ZFAND3: variants seen among roughly 807,000 people sequenced by gnomAD.
The protein encoded by ZFAND3 is AN1-type zinc finger protein 3.
ZFAND3 carries 10 observed loss-of-function variants against 29.6 expected under a neutral mutation model. The ratio of observed to expected loss-of-function variants is 0.34; its 90% CI spans 0.21 to 0.57. The LOEUF (loss-of-function observed/expected upper bound fraction) is 0.57, where lower values mean the gene tolerates loss of function less well. ZFAND3 is among the 20% of genes least tolerant of loss of function. ZFAND3 has a pLI of 0.86. For synonymous variants in ZFAND3, 128 were observed against 112.6 expected (o/e 1.14, Z -0.87); for missense variants, 230 against 304.5 (o/e 0.76, Z 1.82).
intron 1 of ZFAND3, among the ~76,000 whole-genome samples, chr6:37,835,173 G>C (rs1430958040): frequency 6.6e-6 from 1 of 152,020 alleles, no homozygotes; most frequent in Non-Finnish European, 1.5e-5. Flanking sequence ...TTGTTTTGTT[G>C]TTGGAGATAG....
intron 1 of ZFAND3, among the ~76,000 whole-genome samples, chr6:37,843,842 AAAG>A (rs946803285): frequency 2.4e-4 from 37 of 152,274 alleles, no homozygotes; most frequent in African/African-American, 8.9e-4. Context: ...AAAAAAAAAA[AAAG>A]CTAATTTGAA....
intron 2 of ZFAND3, among the ~76,000 whole-genome samples, chr6:38,027,696 A>T (rs1763476514): frequency 6.6e-6 from 1 of 152,212 alleles, no homozygotes; most frequent in Admixed American, 6.5e-5. Flanking sequence ...ATAAAATATT[A>T]ATATTTGTGC....
intron 2 of ZFAND3, among the ~76,000 whole-genome samples, chr6:37,969,414 T>G (rs531129188): frequency 5.9e-5 from 9 of 152,332 alleles, no homozygotes; most frequent in African/African-American, 2.2e-4. Flanking sequence ...TAGCTTAGGC[T>G]ACAACCTACC....
chr6:37,880,878 G>A (rs1581730775), intron 1 of ZFAND3, among the ~76,000 whole-genome samples: 1 of 108,340 alleles, frequency 9.2e-6, no homozygotes, highest in Admixed American at 1.2e-4. Context: ...GGGGGAGGGG[G>A]GAGGGATAGC....
At chr6:37,824,132 A>G (rs1471238563) in intron 1 of ZFAND3, among the ~76,000 whole-genome samples, 1 of 152,348 alleles carries the variant, frequency 6.6e-6, no homozygotes, top group East Asian at 1.9e-4. Context: ...GGAGACATGG[A>G]CTTAAAACTT....
chr6:38,076,156 G>A (rs1764549574), intron 3 of ZFAND3, among the ~76,000 whole-genome samples: 1 of 152,074 alleles, frequency 6.6e-6, no homozygotes, highest in Non-Finnish European at 1.5e-5. Flanking sequence ...TCCTTCACTA[G>A]CAAGAAGAGT....
chr6:37,821,572 A>G (rs1763667540), intron 1 of ZFAND3, among the ~76,000 whole-genome samples: 1 of 152,132 alleles, frequency 6.6e-6, no homozygotes, highest in African/African-American at 2.4e-5. Flanking sequence ...TGAGCTCTTT[A>G]GAGTGCGTAG....
intron 3 of ZFAND3, among the ~76,000 whole-genome samples, chr6:38,064,446 C>T (rs1406170090): frequency 6.6e-6 from 1 of 152,172 alleles, no homozygotes; most frequent in Non-Finnish European, 1.5e-5. Flanking sequence ...CCTGTGGTCA[C>T]AAACGAGTAG....
intron 2 of ZFAND3, among the ~76,000 whole-genome samples, chr6:37,961,654 CAGAG>C (rs1244496668): frequency 2.0e-5 from 3 of 152,192 alleles, no homozygotes; most frequent in African/African-American, 7.2e-5. Context: ...TGGCTCAGAG[CAGAG>C]AGAGAAAGAG....
intron 2 of ZFAND3, among the ~76,000 whole-genome samples, chr6:37,932,140 G>A (rs1761608537): frequency 2.0e-5 from 3 of 152,016 alleles, no homozygotes; most frequent in South Asian, 4.2e-4. Context: ...GTGGTGGCCC[G>A]TGCCTGTAAT....
chr6:38,006,652 AG>A (rs1581833388), intron 2 of ZFAND3, among the ~76,000 whole-genome samples: 2 of 96,070 alleles, frequency 2.1e-5, no homozygotes, highest in South Asian at 9.0e-4. Flanking sequence ...GGTGAGGAAG[AG>A]GGTTTTTTTT....
In ZFAND3 at chr6:38,085,902, A is replaced by G. The variant is rs188452165; in HGVS notation, c.361+3445A>G. Reference sequence around the variant, plus strand: ...TTGAAAATTAGCTCTAAGGATTAGCATTAGACCCATTATTATGTGGTTTAG... The same window carrying G: ...TTGAAAATTAGCTCTAAGGATTAGCGTTAGACCCATTATTATGTGGTTTAG... On this transcript the variant is annotated intron_variant, in intron 4 of 5. Coordinates refer to ENST00000287218, the MANE Select transcript of ZFAND3 (RefSeq NM_021943.3). 2.4e-4 allele frequency among the ~76,000 whole-genome samples: 36 copies of G among 152,360 alleles called. No individual in the cohort carries two copies. The East Asian group carries it at 6.6e-3, about 28-fold the overall frequency.
intron 1 of ZFAND3, among the ~76,000 whole-genome samples, chr6:37,835,502 T>A (rs1330839752): frequency 1.3e-5 from 2 of 149,798 alleles, no homozygotes; most frequent in Non-Finnish European, 3.0e-5. Flanking sequence ...TCTGGATGAG[T>A]CCTTTTTTAG....
At chr6:37,850,908 C>G (rs1015802805) in intron 1 of ZFAND3, among the ~76,000 whole-genome samples, 2 of 151,516 alleles carry the variant, frequency 1.3e-5, no homozygotes, top group Admixed American at 6.6e-5. Flanking sequence ...CCCTTTGACT[C>G]TTTATACCCA....
At chr6:37,914,121 G>A (rs1304989337) in intron 1 of ZFAND3, among the ~76,000 whole-genome samples, 1 of 152,144 alleles carries the variant, frequency 6.6e-6, no homozygotes, top group East Asian at 1.9e-4. Context: ...TGTGTTTGCA[G>A]GCATGAAAAC....
At chr6:38,111,744 A>T (rs1168682977) in intron 4 of ZFAND3, among the ~76,000 whole-genome samples, 1 of 152,140 alleles carries the variant, frequency 6.6e-6, no homozygotes, top group Non-Finnish European at 1.5e-5. Context: ...TATCAGTGAG[A>T]CTTCTGGTCA....
chr6:37,861,264 A>G (rs867268544), intron 1 of ZFAND3, among the ~76,000 whole-genome samples: 12 of 152,308 alleles, frequency 7.9e-5, no homozygotes, highest in Non-Finnish European at 1.5e-4. Flanking sequence ...CTCAAAAAAT[A>G]AAAATAAAAA....
At chr6:38,055,760 C>T (rs1207233129) in intron 2 of ZFAND3, among the ~76,000 whole-genome samples, 3 of 152,152 alleles carry the variant, frequency 2.0e-5, no homozygotes, top group African/African-American at 7.2e-5. Flanking sequence ...GTATTAAGCA[C>T]TTTATCTTTT....
At chr6:37,867,452 C>CT (rs1764610147) in intron 1 of ZFAND3, among the ~76,000 whole-genome samples, 1 of 152,128 alleles carries the variant, frequency 6.6e-6, no homozygotes, top group South Asian at 2.1e-4. Context: ...AATTTTTCTG[C>CT]TGCATCTGCT....
Sources: allele counts gnomAD v4.1 joint callset (sites outside exome capture counted in the v4.1 genomes callset), GRCh38; gene constraint gnomAD v4.1.1; transcripts MANE v1.5; gene names NCBI Gene and HGNC (gene_info 2026-07-23, HGNC 2026-07-21).